Variants in TOLLIP observed in about 807,000 individuals in gnomAD.
TOLLIP encodes the protein toll-interacting protein.
In TOLLIP, 16 loss-of-function variants were observed where a neutral mutation model predicts 33.5. That is an observed-to-expected ratio of 0.48 (90% confidence interval 0.32 to 0.72). The LOEUF (loss-of-function observed/expected upper bound fraction) is 0.72. TOLLIP is among the 30% of genes least tolerant of loss of function. The pLI is 0.03. For missense variants in TOLLIP, 325 were observed against 396.6 expected, an observed-to-expected ratio of 0.82 and a Z score of 1.53; for synonymous variants, 176 against 163.7, an observed-to-expected ratio of 1.07 and a Z score of -0.57.
rs1482858234 is a variant in TOLLIP, at chr11:1,285,131, G to A, written c.610+871C>T. 5.9e-5 allele frequency among the ~76,000 whole-genome samples: 9 copies of A among 151,592 alleles called. No homozygotes were observed. The South Asian group carries it at 1.3e-3, about 21-fold the overall frequency. ...AGCAGCCGGGGCCTCATGCAGCCCC[G>A]AGACCCTCCCCTAACACCACCTCCC... On this transcript the variant is annotated intron_variant, in intron 5 of 5. Transcript: ENST00000317204.
chr11:1,279,902 C>T (rs963061864), intron 5 of TOLLIP, among the ~76,000 whole-genome samples: 63 of 152,318 alleles, frequency 4.1e-4, no homozygotes, highest in Admixed American at 1.2e-3. Flanking sequence ...GGGCTCCAGA[C>T]GTCTCGCACC....
chr11:1,290,040 G>A lies in TOLLIP; in HGVS notation c.366+187C>T, dbSNP rs1331174825. On this transcript the variant is annotated intron_variant, in intron 3 of 5. Coordinates refer to ENST00000317204, the MANE Select transcript of TOLLIP (RefSeq NM_019009.4). This position sits in a 1 kb window ranked among gnomAD's most constrained non-coding sequence, Gnocchi z 4.9. ...TTCCAAATGTAAGTATGTTCAAGGA[G>A]CTGGAAACAATCCCTTTTTCACATT... 7 of 607,004 alleles carry A rather than the reference G, an allele frequency of 1.2e-5. No individual in the cohort carries two copies. The highest frequency in any genetic ancestry group is 8.3e-5 in the East Asian group (3 of 35,936). The allele number at this position is 607,004 out of a possible 1,614,324, so 37.6% of individuals were successfully genotyped here.
In TOLLIP at chr11:1,276,173, C is replaced by T. The variant is rs997602591; in HGVS notation, c.*866G>A. The T allele has an allele frequency of 6.5e-6, 1 of 153,210 alleles. No individual in the cohort carries two copies. Among genetic ancestry groups the T allele is most frequent in the African/African-American group, 2.4e-5 (1 of 41,460 alleles). 9.5% of individuals were successfully genotyped at this position (153,210 alleles called of 1,614,324 possible). On this transcript the variant is annotated 3_prime_UTR_variant, in exon 6 of 6. Transcript: ENST00000317204. ...CAGCAGTCGGCTGGCAGTGCCACCA[C>T]ACCCTCTCGGAATCATGCACAGTGC...
chr11:1,309,155 G>T (rs1864514092), intron 1 of TOLLIP, among the ~76,000 whole-genome samples: 1 of 148,958 alleles, frequency 6.7e-6, no homozygotes, highest in East Asian at 2.0e-4. Flanking sequence ...GGGGCACCAT[G>T]GGGCACGGGG....
chr11:1,294,177 T>C (rs1864037336), intron 2 of TOLLIP, among the ~76,000 whole-genome samples: 3 of 142,116 alleles, frequency 2.1e-5, no homozygotes, highest in Non-Finnish European at 4.5e-5. Flanking sequence ...TGTGTCTCCT[T>C]TCCCTGCATT....
intron 2 of TOLLIP, 39 bp downstream of exon 2, chr11:1,295,606 A>G (rs1590222637): frequency 1.3e-6 from 2 of 1,494,668 alleles, no homozygotes; most frequent in East Asian, 4.7e-5. Flanking sequence ...CACCGAGCGC[A>G]CCAGCCCCAG....
intron 2 of TOLLIP, among the ~76,000 whole-genome samples, chr11:1,293,064 G>A (rs1487993326): frequency 2.0e-5 from 3 of 152,204 alleles, no homozygotes; most frequent in Admixed American, 6.5e-5. Flanking sequence ...GGTGCGGGGG[G>A]CTCCAGGCCT....
chr11:1,284,820 G>A (rs1863633188), intron 5 of TOLLIP, among the ~76,000 whole-genome samples: 1 of 152,224 alleles, frequency 6.6e-6, no homozygotes, highest in Non-Finnish European at 1.5e-5. Context: ...CTCACAGGCA[G>A]TTTTGTCCGA....
chr11:1,279,141 C>T (rs761447147), intron 5 of TOLLIP, among the ~76,000 whole-genome samples: 3 of 152,250 alleles, frequency 2.0e-5, no homozygotes, highest in African/African-American at 4.8e-5. Context: ...TGCGACGTCA[C>T]GGCCTGGGGT....
chr11:1,299,063 C>T (rs985929552), intron 1 of TOLLIP, among the ~76,000 whole-genome samples: 5 of 152,232 alleles, frequency 3.3e-5, no homozygotes, highest in African/African-American at 7.2e-5. Flanking sequence ...CCCAGCTCAG[C>T]GCCACAGCTG....
At chr11:1,306,980 A>AC (rs1213831000) in intron 1 of TOLLIP, among the ~76,000 whole-genome samples, 2 of 150,668 alleles carry the variant, frequency 1.3e-5, no homozygotes, top group Non-Finnish European at 3.0e-5. Flanking sequence ...CTCTCCCAGC[A>AC]CCTGACGCTT....
intron 2 of TOLLIP, chr11:1,291,288 C>T (rs72846383): frequency 0.13 from 19,133 of 152,416 alleles, 1,542 homozygotes; most frequent in Non-Finnish European, 0.18. Flanking sequence ...GCCTGGAATG[C>T]AGACGGCCTC....
intron 1 of TOLLIP, among the ~76,000 whole-genome samples, chr11:1,297,511 A>G (rs1590224642): frequency 6.6e-6 from 1 of 152,368 alleles, no homozygotes; most frequent in African/African-American, 2.4e-5. Flanking sequence ...CCCCAACCTG[A>G]GCAGCCAGCA....
At chr11:1,304,076 G>T (rs895830253) in intron 1 of TOLLIP, among the ~76,000 whole-genome samples, 1 of 151,186 alleles carries the variant, frequency 6.6e-6, no homozygotes, top group Admixed American at 6.6e-5. Flanking sequence ...GAACTGGGAG[G>T]CAGGCCAGAA....
At chr11:1,299,986 C>T (rs568131009) in intron 1 of TOLLIP, among the ~76,000 whole-genome samples, 1 of 152,232 alleles carries the variant, frequency 6.6e-6, no homozygotes, top group Non-Finnish European at 1.5e-5. Context: ...CCTCTGTCGA[C>T]ACCAACTCTG....
At chr11:1,300,614 T>C (rs989760144) in intron 1 of TOLLIP, among the ~76,000 whole-genome samples, 3 of 152,212 alleles carry the variant, frequency 2.0e-5, no homozygotes, top group African/African-American at 7.2e-5. Flanking sequence ...GGGCCACACT[T>C]TCTGCCCGAC....
intron 1 of TOLLIP, among the ~76,000 whole-genome samples, chr11:1,309,112 G>A (rs1864511887): frequency 6.6e-6 from 1 of 151,934 alleles, no homozygotes; most frequent in Admixed American, 6.6e-5. Context: ...CCTCCATCTG[G>A]AGACCATTGG....
chr11:1,302,818 G>A (rs778692383), intron 1 of TOLLIP: 79 of 983,562 alleles, frequency 8.0e-5, no homozygotes, highest in Non-Finnish European at 9.1e-5. Flanking sequence ...TTTGTCCCCA[G>A]TTCCCACATC....
intron 1 of TOLLIP, among the ~76,000 whole-genome samples, chr11:1,300,891 AC>A (rs1864253682): frequency 6.6e-6 from 1 of 152,070 alleles, no homozygotes; most frequent in Non-Finnish European, 1.5e-5. Context: ...GCCTTTTTAA[AC>A]CTTCTCACCG....
Sources: gnomAD v4.1 joint callset for allele counts (sites outside exome capture counted in the v4.1 genomes callset) on GRCh38, gnomAD v4.1.1 for gene constraint, Gnocchi (gnomAD v3.1) non-coding constraint, MANE v1.5 for transcripts, NCBI Gene and HGNC (gene_info 2026-07-23, HGNC 2026-07-21) for gene names.